The following BMP2K variants were observed in gnomAD, a reference collection of about 807,000 sequenced individuals.
BMP2K encodes the protein BMP2 inducible kinase.
BMP2K carries 74 observed loss-of-function variants against 116.0 expected under a neutral mutation model. The observed-to-expected ratio is 0.64, with a 90% CI of 0.53 to 0.77. The LOEUF (loss-of-function observed/expected upper bound fraction) is 0.77. Among genes scored for constraint, BMP2K ranks in the 30% least tolerant of loss-of-function variants. BMP2K has a pLI of 0.00. For synonymous variants in BMP2K, 486 were observed against 502.5 expected (o/e 0.97, Z 0.44); for missense variants, 1,365 against 1,403.6 (o/e 0.97, Z 0.44).
intron 15 of BMP2K, among the ~76,000 whole-genome samples, chr4:78,905,909 G>T (rs1734259329): frequency 6.6e-6 from 1 of 151,932 alleles, no homozygotes; most frequent in Non-Finnish European, 1.5e-5. Flanking sequence ...AAAGTGCTGT[G>T]CATTGTATAG....
At chr4:78,803,084 A>T (rs1349010046) in intron 1 of BMP2K, among the ~76,000 whole-genome samples, 1 of 152,042 alleles carries the variant, frequency 6.6e-6, no homozygotes, top group Non-Finnish European at 1.5e-5. Flanking sequence ...TCCTGACCTC[A>T]AGTGATCCAC....
chr4:78,843,862 A>G (rs1577919294), intron 4 of BMP2K, among the ~76,000 whole-genome samples: 1 of 151,832 alleles, frequency 6.6e-6, no homozygotes, highest in Non-Finnish European at 1.5e-5. Flanking sequence ...AAGACATTTA[A>G]CTGCATAATT....
intron 13 of BMP2K, among the ~76,000 whole-genome samples, chr4:78,876,199 T>C (rs374719383): frequency 1.3e-5 from 2 of 152,048 alleles, no homozygotes; most frequent in African/African-American, 2.4e-5. Flanking sequence ...AAAGGAATGA[T>C]TGACAGACAG....
Position 78,776,373 on chromosome 4 carries a change from G to A in BMP2K, c.-171G>A. The A allele has an allele frequency of 1.7e-6, 1 of 576,676 alleles. No individual in the cohort carries two copies. Among genetic ancestry groups the A allele is most frequent in the Non-Finnish European group, 2.3e-6 (1 of 438,744 alleles). 35.7% of individuals were successfully genotyped at this position (576,676 alleles called of 1,614,324 possible). ...GCAGCTGCAGCGGAGCCGCGGAGCGGGCGGCGGGGCCCAGGCTGTGCGCTT... is the reference window on the plus strand; with the variant it reads ...GCAGCTGCAGCGGAGCCGCGGAGCGAGCGGCGGGGCCCAGGCTGTGCGCTT... On this transcript the variant is annotated 5_prime_UTR_variant, in exon 1 of 16. Coordinates refer to ENST00000502613, the MANE Select transcript of BMP2K (RefSeq NM_198892.2).
At chr4:78,785,371 C>A (rs1457254893) in intron 1 of BMP2K, among the ~76,000 whole-genome samples, 2 of 152,150 alleles carry the variant, frequency 1.3e-5, no homozygotes, top group Non-Finnish European at 2.9e-5. Context: ...CTTGGCTTCC[C>A]AAAGTGCTGG....
chr4:78,791,704 A>C (rs1728010691), intron 1 of BMP2K, among the ~76,000 whole-genome samples: 1 of 149,754 alleles, frequency 6.7e-6, no homozygotes, highest in Non-Finnish European at 1.5e-5. Context: ...TCATAACAAT[A>C]TTTAGCATTT....
At chr4:78,870,231 T>C (rs1211005159) in intron 10 of BMP2K, among the ~76,000 whole-genome samples, 1 of 152,190 alleles carries the variant, frequency 6.6e-6, no homozygotes, top group African/African-American at 2.4e-5. Context: ...ATAAAAGGTT[T>C]TTTGGGACTC....
At chr4:78,859,364 T>C (rs1456523729) in intron 7 of BMP2K, 1 of 366,524 alleles carries the variant, frequency 2.7e-6, no homozygotes, top group Non-Finnish European at 4.9e-6. Flanking sequence ...ACTTCTAGTG[T>C]AGAGCTGTTC....
chr4:78,861,252 A>ATT, intron 8 of BMP2K, 137 bp from the exon 9 acceptor site: 1 of 584,512 alleles, frequency 1.7e-6, no homozygotes, highest in Non-Finnish European at 2.9e-6. Flanking sequence ...CATGTGAATA[A>ATT]TTTATAGGTA....
At chr4:78,885,356 A>G (rs1733023754) in intron 14 of BMP2K, among the ~76,000 whole-genome samples, 1 of 152,160 alleles carries the variant, frequency 6.6e-6, no homozygotes, top group Admixed American at 6.5e-5. Context: ...TCAAGAGTGT[A>G]CTTCTTGGAC....
intron 7 of BMP2K, among the ~76,000 whole-genome samples, chr4:78,856,117 C>A (rs996273960): frequency 6.6e-6 from 1 of 152,024 alleles, no homozygotes; most frequent in South Asian, 2.1e-4. Context: ...ACACTGAACT[C>A]GAGGTTTAAT....
chr4:78,853,779 C>A lies in BMP2K; in HGVS notation c.883+2723C>A, dbSNP rs556996105. Among the ~76,000 whole-genome samples the A allele has an allele frequency of 7.5e-4, 114 of 152,166 alleles. No individual in the cohort carries two copies. In the Middle Eastern group the frequency reaches 0.017, roughly 23 times the overall value. ...GCATTTAAAAAGTACCCACCTCTTACGGTTATTGTGAGAATTAAATGAAAG... is the reference window on the plus strand; with the variant it reads ...GCATTTAAAAAGTACCCACCTCTTAAGGTTATTGTGAGAATTAAATGAAAG... On this transcript the variant is annotated intron_variant, in intron 7 of 15. Coordinates refer to ENST00000502613, the MANE Select transcript of BMP2K (RefSeq NM_198892.2).
intron 2 of BMP2K, among the ~76,000 whole-genome samples, chr4:78,832,341 T>C (rs7688534): frequency 0.47 from 70,749 of 152,094 alleles, 21,349 homozygotes; most frequent in African/African-American, 0.87. Context: ...TAATGTCAGT[T>C]GTACTTATCC....
Position 78,833,616 on chromosome 4 carries a change from A to C in BMP2K, c.332A>C (p.Tyr111Ser), listed in dbSNP as rs759453115. 3 of 1,601,664 alleles carry C rather than the reference A, an allele frequency of 1.9e-6. No homozygotes were observed. The highest frequency in any genetic ancestry group is 2.5e-6 in the Non-Finnish European group (3 of 1,176,764). Reference protein sequence around the residue: ...ELSGHKNIVGYLDCAVNSISD... With the variant: ...ELSGHKNIVGSLDCAVNSISD... ...TCTGGTCACAAAAATATTGTGGGCT[A>C]TTTGGACTGTGCTGTTAATTCAATT... The change falls in exon 3 of 16, where the codon TAT (tyrosine) becomes TCT (serine). Residue 111 changes from tyrosine to serine, a missense_variant. Physicochemically the swap from Tyr to Ser is moderately radical, Grantham distance 144. Transcript: ENST00000502613.
At chr4:78,807,790 T>C (rs1728894922) in intron 1 of BMP2K, among the ~76,000 whole-genome samples, 1 of 151,946 alleles carries the variant, frequency 6.6e-6, no homozygotes, top group Non-Finnish European at 1.5e-5. Context: ...TCTAATTTGT[T>C]GGCATAAAAT....
rs144087491 is a variant in BMP2K at position 78,884,356 on chromosome 4, C to A, written c.1952-2818C>A. 3.2e-3 allele frequency among the ~76,000 whole-genome samples: 492 copies of A among 151,892 alleles called. 2 individuals carry two copies. The highest frequency in any genetic ancestry group is 4.2e-3 in the African/African-American group (172 of 41,438). On this transcript the variant is annotated intron_variant, in intron 14 of 15. Transcript: ENST00000502613. ...CATAAAATAAAACAAACAAAAAAAA[C>A]CAGTATATAAAATTGCAGATTCCTA...
rs561418828 is a variant in BMP2K at position 78,896,622 on chromosome 4, A to G, written c.2062+9338A>G. ...TTATTATACATGGTGAATGCAGTGCAGTGAGATCTCAACTATGAGACTAAT... is the reference window on the plus strand; with the variant it reads ...TTATTATACATGGTGAATGCAGTGCGGTGAGATCTCAACTATGAGACTAAT... On this transcript the variant is annotated intron_variant, in intron 15 of 15. Transcript: ENST00000502613. 3.6e-4 allele frequency among the ~76,000 whole-genome samples: 55 copies of G among 152,346 alleles called. No individual in the cohort carries two copies. The South Asian group carries it at 4.6e-3, about 13-fold the overall frequency.
At chr4:78,866,687 G>T (rs943866956) in intron 10 of BMP2K, among the ~76,000 whole-genome samples, 1 of 152,028 alleles carries the variant, frequency 6.6e-6, no homozygotes, top group African/African-American at 2.4e-5. Context: ...TCTCACTCTT[G>T]TCCCCCAGGC....
chr4:78,861,995 A>C (rs970161489), intron 9 of BMP2K, among the ~76,000 whole-genome samples: 1 of 151,916 alleles, frequency 6.6e-6, no homozygotes, highest in African/African-American at 2.4e-5. Flanking sequence ...ATGTAAGTTA[A>C]GACTGAATCT....
Sources: allele counts gnomAD v4.1 joint callset (sites outside exome capture counted in the v4.1 genomes callset), GRCh38; gene constraint gnomAD v4.1.1; transcripts MANE v1.5; gene names NCBI Gene and HGNC (gene_info 2026-07-23, HGNC 2026-07-21).